THRB: variants seen among roughly 807,000 people sequenced by gnomAD.
THRB encodes nuclear receptor subfamily 1 group A member 2.
THRB carries 12 observed loss-of-function variants against 47.8 expected under a neutral mutation model. The observed-to-expected ratio is 0.25, with a 90% CI of 0.16 to 0.41. The LOEUF is 0.41. THRB is among the 10% of genes least tolerant of loss of function. The probability of loss-of-function intolerance (pLI) is 1.00; values close to 1 mark genes in which losing one functional copy is unlikely to be tolerated. For missense variants in THRB, 348 were observed against 589.2 expected, an observed-to-expected ratio of 0.59 and a Z score of 4.24; for synonymous variants, 218 against 212.2, an observed-to-expected ratio of 1.03 and a Z score of -0.24.
At chr3:24,234,467 T>C (rs370958939) in intron 3 of THRB, among the ~76,000 whole-genome samples, 79 of 152,300 alleles carry the variant, frequency 5.2e-4, no homozygotes, top group African/African-American at 1.5e-3. Flanking sequence ...GTAAATTCCT[T>C]TGTGGGTGGA....
intron 4 of THRB, among the ~76,000 whole-genome samples, chr3:24,203,736 T>G (rs2044892977): frequency 6.6e-6 from 1 of 151,608 alleles, no homozygotes; most frequent in African/African-American, 2.4e-5. Context: ...GCACAGGGGG[T>G]CAGGGAATTC....
chr3:24,158,167 C>T (rs1471104788), intron 5 of THRB, among the ~76,000 whole-genome samples: 1 of 152,060 alleles, frequency 6.6e-6, no homozygotes, highest in African/African-American at 2.4e-5. Flanking sequence ...ATGTGAAAAA[C>T]AGGAGGAACT....
chr3:24,185,938 A>T (rs1320156367), intron 5 of THRB, among the ~76,000 whole-genome samples: 1 of 152,166 alleles, frequency 6.6e-6, no homozygotes, highest in Non-Finnish European at 1.5e-5. Flanking sequence ...TCCCAGGGTG[A>T]TCTGTTATTA....
intron 2 of THRB, among the ~76,000 whole-genome samples, chr3:24,304,873 C>A (rs981132156): frequency 6.6e-6 from 1 of 152,068 alleles, no homozygotes; most frequent in Non-Finnish European, 1.5e-5. Context: ...CTAGAACTAG[C>A]CCCATTGTAA....
intron 5 of THRB, among the ~76,000 whole-genome samples, chr3:24,183,894 C>T (rs1427952749): frequency 6.6e-6 from 1 of 152,042 alleles, no homozygotes; most frequent in East Asian, 1.9e-4. Context: ...CAAATTTATG[C>T]ACATCATTAT....
At chr3:24,154,902 C>G (rs535946849) in intron 5 of THRB, among the ~76,000 whole-genome samples, 3 of 152,228 alleles carry the variant, frequency 2.0e-5, no homozygotes, top group Non-Finnish European at 4.4e-5. Context: ...TCTGTCTAAT[C>G]TCAGGTATGA....
chr3:24,222,573 T>C (rs757848933), intron 4 of THRB, among the ~76,000 whole-genome samples: 14 of 152,100 alleles, frequency 9.2e-5, no homozygotes, highest in Non-Finnish European at 1.5e-5. Context: ...CATGGATCTG[T>C]GGGAGAGATG....
Position 24,253,923 on chromosome 3 carries a change from C to T in THRB, c.-42-24922G>A, listed in dbSNP as rs552953693. Among the ~76,000 whole-genome samples the T allele has an allele frequency of 6.6e-5, 10 of 151,340 alleles. No homozygotes were observed. The South Asian group carries it at 1.3e-3, about 19-fold the overall frequency. ...TTCAAACGTTTCTGGAACTCCTCAC[C>T]GAGAGAGAACCAGTTGTCCCTCAGA... On this transcript the variant is annotated intron_variant, in intron 3 of 10. Transcript: ENST00000646209.
chr3:24,409,275 G>C (rs1321241620), intron 1 of THRB, among the ~76,000 whole-genome samples: 2 of 151,824 alleles, frequency 1.3e-5, no homozygotes, highest in African/African-American at 4.8e-5. Flanking sequence ...CTCTATAGGA[G>C]TCTTGGTTTG....
chr3:24,207,667 A>AC, intron 4 of THRB, among the ~76,000 whole-genome samples: 1 of 152,130 alleles, frequency 6.6e-6, no homozygotes, highest in Non-Finnish European at 1.5e-5. Flanking sequence ...AAAGCCAGCA[A>AC]AAGAGCCTAC....
intron 1 of THRB, among the ~76,000 whole-genome samples, chr3:24,403,193 T>G (rs2067557627): frequency 6.6e-6 from 1 of 151,866 alleles, no homozygotes; most frequent in Non-Finnish European, 1.5e-5. Flanking sequence ...TTATGTAAAA[T>G]TTTTTCAAAA....
intron 5 of THRB, among the ~76,000 whole-genome samples, chr3:24,185,802 A>T (rs2042495789): frequency 6.6e-6 from 1 of 152,150 alleles, no homozygotes; most frequent in East Asian, 1.9e-4. Flanking sequence ...GGGACTGGGG[A>T]GACCCTGTGG....
intron 1 of THRB, among the ~76,000 whole-genome samples, chr3:24,362,222 G>A (rs2064127985): frequency 6.6e-6 from 1 of 152,046 alleles, no homozygotes; most frequent in Admixed American, 6.6e-5. Context: ...CCCTTTCACA[G>A]TCTGCAAAGC....
chr3:24,382,893 C>A (rs1236934010), intron 1 of THRB, among the ~76,000 whole-genome samples: 1 of 152,082 alleles, frequency 6.6e-6, no homozygotes, highest in Admixed American at 6.6e-5. Flanking sequence ...ATCCAGTCTA[C>A]ACTCTAACCA....
At chr3:24,362,684 C>G (rs557889273) in intron 1 of THRB, among the ~76,000 whole-genome samples, 1 of 152,272 alleles carries the variant, frequency 6.6e-6, no homozygotes, top group East Asian at 1.9e-4. Flanking sequence ...ACTTGATAAA[C>G]ATTTTTAGAA....
chr3:24,438,536 T>TGTGTGC (rs966247174), intron 1 of THRB, among the ~76,000 whole-genome samples: 91 of 151,060 alleles, frequency 6.0e-4, no homozygotes, highest in Middle Eastern at 3.4e-3. Flanking sequence ...TGTGTGTGTG[T>TGTGTGC]GCACATGCAT....
intron 3 of THRB, among the ~76,000 whole-genome samples, chr3:24,238,711 T>G (rs2049169829): frequency 6.6e-6 from 1 of 152,150 alleles, no homozygotes. Flanking sequence ...TGCAGTGAGC[T>G]CCTTCAGATT....
At chr3:24,456,914 A>G (rs967316615) in intron 1 of THRB, among the ~76,000 whole-genome samples, 1 of 152,100 alleles carries the variant, frequency 6.6e-6, no homozygotes, top group African/African-American at 2.4e-5. Flanking sequence ...TTCATTCTAG[A>G]AAAAGTTTAG....
At chr3:24,342,349 G>C (rs962242070) in intron 1 of THRB, among the ~76,000 whole-genome samples, 1 of 152,142 alleles carries the variant, frequency 6.6e-6, no homozygotes, top group Non-Finnish European at 1.5e-5. Context: ...TCGAACAGGG[G>C]AGAATGAGGC....
Sources: allele counts gnomAD v4.1 joint callset (sites outside exome capture counted in the v4.1 genomes callset), GRCh38; gene constraint gnomAD v4.1.1; transcripts MANE v1.5; gene names NCBI Gene and HGNC (gene_info 2026-07-23, HGNC 2026-07-21).